The following LYPD5 variants were observed in gnomAD, a reference collection of about 807,000 sequenced individuals.
LYPD5 encodes the protein ly6/PLAUR domain-containing protein 5.
Under a neutral mutation model 19.1 loss-of-function variants are expected in LYPD5, and 21 were observed. That is an observed-to-expected ratio of 1.10 (90% confidence interval 0.78 to 1.58). The LOEUF is 1.58. Ranked by LOEUF, LYPD5 falls within the 40% of genes most tolerant of loss-of-function variation. The probability of loss-of-function intolerance (pLI) is 0.00; values close to 1 mark genes in which losing one functional copy is unlikely to be tolerated. For missense variants in LYPD5, 287 were observed against 329.8 expected (o/e 0.87, Z 1.00); for synonymous variants, 128 against 142.7 (o/e 0.90, Z 0.74).
At chr19:43,803,065 AAGAG>A (rs138775709), upstream of LYPD5, among the ~76,000 whole-genome samples, 3 of 151,058 alleles carry the variant, frequency 2.0e-5, no homozygotes, top group Admixed American at 6.6e-5. Context: ...GAGAGAGAGG[AAGAG>A]AGAGAGAGAG....
chr19:43,812,507 T>C (rs1233715294), intron 1 of LYPD5, among the ~76,000 whole-genome samples: 1 of 152,228 alleles, frequency 6.6e-6, no homozygotes, highest in Non-Finnish European at 1.5e-5. Context: ...CTCCTAAATA[T>C]AAATTCTGGC....
chr19:43,818,664 T>C (rs529264528), intron 1 of LYPD5, among the ~76,000 whole-genome samples: 17 of 152,278 alleles, frequency 1.1e-4, no homozygotes, highest in Admixed American at 9.8e-4. Flanking sequence ...CTTGTGCCCA[T>C]GTAGAGTTGT....
chr19:43,809,101 G>A (rs1352289766), intron 1 of LYPD5, among the ~76,000 whole-genome samples: 7 of 152,054 alleles, frequency 4.6e-5, no homozygotes, highest in Admixed American at 3.9e-4. Context: ...GTGCAACGGC[G>A]TGGTCTCGGC....
chr19:43,805,694 C>T (rs377693771), upstream of LYPD5, among the ~76,000 whole-genome samples: 6 of 151,952 alleles, frequency 3.9e-5, no homozygotes, highest in East Asian at 3.9e-4. Context: ...TTTTAGTAGA[C>T]ACAGGGTTTC....
At chr19:43,799,173 G>A in intron 2 of LYPD5, 185 bp from the exon 3 acceptor site, 1 of 627,710 alleles carries the variant, frequency 1.6e-6, no homozygotes, top group Non-Finnish European at 2.6e-6. Flanking sequence ...CTTCCTCCCT[G>A]TGCGCCTCTC....
At chr19:43,798,190 C>CCACCCTCAGACCAGGGCCAAATCTT (rs71169287) in intron 4 of LYPD5, among the ~76,000 whole-genome samples, 5 of 71,390 alleles carry the variant, frequency 7.0e-5, no homozygotes, top group Non-Finnish European at 5.8e-5. Flanking sequence ...GGTCATGCCT[C>CCACCCTCAGACCAGGGCCAAATCTT]CTCCCTCAGA....
intron 1 of LYPD5, among the ~76,000 whole-genome samples, chr19:43,811,673 G>GAGAAAGAAAGAA (rs757588163): frequency 9.7e-4 from 123 of 126,462 alleles, no homozygotes; most frequent in African/African-American, 3.4e-3. Flanking sequence ...GTGACAAAGG[G>GAGAAAGAAAGAA]AGAAAGAAAG....
intron 1 of LYPD5, among the ~76,000 whole-genome samples, chr19:43,809,161 T>G (rs1460153104): frequency 6.6e-6 from 1 of 151,296 alleles, no homozygotes; most frequent in African/African-American, 2.4e-5. Context: ...TGCCTCAGCC[T>G]CCCGAGTAGC....
chr19:43,803,065 A>AAG (rs138775709), upstream of LYPD5, among the ~76,000 whole-genome samples: 5 of 151,058 alleles, frequency 3.3e-5, no homozygotes, highest in South Asian at 2.1e-4. Flanking sequence ...GAGAGAGAGG[A>AAG]AGAGAGAGAG....
chr19:43,808,191 T>C (rs1174537196), intron 1 of LYPD5, among the ~76,000 whole-genome samples: 2 of 152,146 alleles, frequency 1.3e-5, no homozygotes, highest in Non-Finnish European at 2.9e-5. Flanking sequence ...GACTCACCAC[T>C]GCCTCCCAGG....
upstream of LYPD5, among the ~76,000 whole-genome samples, chr19:43,804,557 T>C (rs779357666): frequency 5.9e-5 from 9 of 152,254 alleles, no homozygotes; most frequent in Non-Finnish European, 1.0e-4. Flanking sequence ...TTGAATAAAG[T>C]CTGCCTTGCC....
chr19:43,813,973 CCA>C (rs1970348370), intron 1 of LYPD5, among the ~76,000 whole-genome samples: 1 of 152,204 alleles, frequency 6.6e-6, no homozygotes, highest in South Asian at 2.1e-4. Context: ...CAGGCATGAG[CCA>C]CTGTGCCCAA....
At chr19:43,808,425 T>C (rs1970289467) in intron 1 of LYPD5, among the ~76,000 whole-genome samples, 1 of 152,176 alleles carries the variant, frequency 6.6e-6, no homozygotes, top group African/African-American at 2.4e-5. Flanking sequence ...TTATTTAAGG[T>C]GAATAATTTT....
rs1395028561 is a variant in LYPD5 at position 43,796,947 on chromosome 19, C to T, written c.*644G>A. ...AGAGCTCAAGTAACTCACCCACAGTCTCTGCAGGCTGAATGGTGGAGCTGG... is the reference window on the plus strand; with the variant it reads ...AGAGCTCAAGTAACTCACCCACAGTTTCTGCAGGCTGAATGGTGGAGCTGG... On this transcript the variant is annotated 3_prime_UTR_variant, in exon 5 of 5. Transcript: ENST00000377950. The T allele has an allele frequency of 6.6e-6, 1 of 152,270 alleles. No homozygotes were observed. The highest frequency in any genetic ancestry group is 1.5e-5 in the Non-Finnish European group (1 of 68,076). 9.4% of individuals were successfully genotyped at this position (152,270 alleles called of 1,614,324 possible). A position where few individuals can be genotyped will look rare whatever the true frequency, so the allele number is the denominator to read the frequency against.
intron 2 of LYPD5, 131 bp from the exon 3 acceptor site, chr19:43,799,119 C>CCTTCCTG: frequency 4.8e-6 from 3 of 627,360 alleles, no homozygotes; most frequent in Non-Finnish European, 7.1e-6. Flanking sequence ...CCTCCTTCCT[C>CCTTCCTG]TCACCCCCAG....
chr19:43,799,140 C>G, intron 2 of LYPD5, 152 bp from the exon 3 acceptor site: 1 of 831,196 alleles, frequency 1.2e-6, no homozygotes, highest in Non-Finnish European at 1.8e-6. Flanking sequence ...ACCTTTTCCC[C>G]CGAGTTCTTC....
intron 2 of LYPD5, among the ~76,000 whole-genome samples, chr19:43,799,311 T>A (rs1328120656): frequency 2.6e-5 from 4 of 152,038 alleles, no homozygotes; most frequent in Admixed American, 2.6e-4. Flanking sequence ...TGACCCGATT[T>A]CGGCTCACTG....
chr19:43,801,913 A>G (rs1970227272), intron 1 of LYPD5, among the ~76,000 whole-genome samples: 1 of 152,182 alleles, frequency 6.6e-6, no homozygotes, highest in Admixed American at 6.5e-5. Flanking sequence ...CTGAAGGTGA[A>G]GCCAGGGTTT....
chr19:43,804,977 T>G (rs1970258923), upstream of LYPD5, among the ~76,000 whole-genome samples: 1 of 152,218 alleles, frequency 6.6e-6, no homozygotes, highest in Admixed American at 6.5e-5. Flanking sequence ...TCAGGTACTT[T>G]TGGAGACTTT....
Sources: gnomAD v4.1 joint callset for allele counts (sites outside exome capture counted in the v4.1 genomes callset) on GRCh38, gnomAD v4.1.1 for gene constraint, MANE v1.5 for transcripts, NCBI Gene and HGNC (gene_info 2026-07-23, HGNC 2026-07-21) for gene names.